The following FAM174A variants were observed in gnomAD, a reference collection of about 807,000 sequenced individuals.
FAM174A encodes membrane protein FAM174A.
In FAM174A, 14 loss-of-function variants were observed where a neutral mutation model predicts 14.3. That is an observed-to-expected ratio of 0.98 (90% confidence interval 0.65 to 1.53). The LOEUF (loss-of-function observed/expected upper bound fraction) is 1.53. Ranked by LOEUF, FAM174A falls within the 40% of genes most tolerant of loss-of-function variation. The pLI, the probability that FAM174A is intolerant of heterozygous loss-of-function variation, is 0.00. For missense variants in FAM174A, 241 were observed against 249.6 expected (o/e 0.97, Z 0.23); for synonymous variants, 108 against 111.4 (o/e 0.97, Z 0.19).
intron 2 of FAM174A, among the ~76,000 whole-genome samples, chr5:100,565,283 A>G (rs888384463): frequency 2.6e-5 from 4 of 151,916 alleles, no homozygotes; most frequent in Admixed American, 2.0e-4. Context: ...TAGACACAGA[A>G]AAAGCATTTG....
At chr5:100,556,984 A>G (rs1746402443) in intron 1 of FAM174A, among the ~76,000 whole-genome samples, 2 of 152,150 alleles carry the variant, frequency 1.3e-5, no homozygotes, top group Admixed American at 6.5e-5. Flanking sequence ...ACTATGTTGA[A>G]TAGGAGTGGT....
chr5:100,573,898 A>G lies in FAM174A; in HGVS notation c.569+11710A>G, dbSNP rs1329650641. Among the ~76,000 whole-genome samples the G allele has an allele frequency of 4.6e-5, 7 of 152,144 alleles. 1 individual carries two copies. The highest frequency in any genetic ancestry group is 1.4e-4 in the African/African-American group (6 of 41,482). ...CAGAGATATAGATCAATGGAACAGA[A>G]CAGAGCCCTCAGAAATAACACCGCA... is the stretch of plus-strand genomic sequence containing the variant. On this transcript the variant is annotated intron_variant, in intron 2 of 2. Coordinates refer to ENST00000312637, the MANE Select transcript of FAM174A (RefSeq NM_198507.3).
intron 1 of FAM174A, among the ~76,000 whole-genome samples, chr5:100,544,562 G>A (rs1746129040): frequency 6.6e-6 from 1 of 152,156 alleles, no homozygotes; most frequent in South Asian, 2.1e-4. Flanking sequence ...AAAAATGTGA[G>A]GTAGCTGTGT....
intron 1 of FAM174A, among the ~76,000 whole-genome samples, chr5:100,549,012 CTCTCTG>C (rs1255495790): frequency 6.6e-6 from 1 of 151,988 alleles, no homozygotes; most frequent in Non-Finnish European, 1.5e-5. Flanking sequence ...ACTTAAATCT[CTCTCTG>C]TATTTATATA....
intron 2 of FAM174A, among the ~76,000 whole-genome samples, chr5:100,565,712 T>A (rs1343459869): frequency 6.6e-6 from 1 of 151,900 alleles, no homozygotes; most frequent in Non-Finnish European, 1.5e-5. Flanking sequence ...TTATTCATAT[T>A]AATCAAGCTG....
rs1745916145 is a variant in FAM174A, at chr5:100,535,386, T to C, written c.-145T>C. ...CGGTTCTCCGGGCAGCTGCCACTGC[T>C]GTAGCTTCTGCCACCTGCCACGACC... On this transcript the variant is annotated 5_prime_UTR_variant, in exon 1 of 3. Coordinates refer to ENST00000312637, the MANE Select transcript of FAM174A (RefSeq NM_198507.3). The C allele has an allele frequency of 6.0e-6, 5 of 833,768 alleles. No individual in the cohort carries two copies. In the Admixed American group the frequency reaches 9.4e-5, roughly 16 times the overall value. 51.6% of individuals were successfully genotyped at this position (833,768 alleles called of 1,614,324 possible).
intron 1 of FAM174A, among the ~76,000 whole-genome samples, chr5:100,536,943 T>A (rs1745953284): frequency 6.6e-6 from 1 of 152,230 alleles, no homozygotes; most frequent in Non-Finnish European, 1.5e-5. Flanking sequence ...GGAGTTTCAC[T>A]TAGACCTCTT....
intron 2 of FAM174A, among the ~76,000 whole-genome samples, chr5:100,576,927 C>T (rs1298713541): frequency 6.6e-6 from 1 of 152,088 alleles, no homozygotes; most frequent in Non-Finnish European, 1.5e-5. Flanking sequence ...GAAAGAAAAA[C>T]TGATGAGGAG....
intron 1 of FAM174A, among the ~76,000 whole-genome samples, chr5:100,552,541 G>A (rs1168337752): frequency 6.6e-6 from 1 of 151,860 alleles, no homozygotes; most frequent in Non-Finnish European, 1.5e-5. Context: ...CTTAAATCAG[G>A]TGCATATATC....
chr5:100,577,402 T>TA (rs1746924251), intron 2 of FAM174A, among the ~76,000 whole-genome samples: 1 of 152,144 alleles, frequency 6.6e-6, no homozygotes, highest in African/African-American at 2.4e-5. Context: ...CTACTGCTGT[T>TA]ATGCTTCATT....
chr5:100,553,069 T>C (rs1746296163), intron 1 of FAM174A, among the ~76,000 whole-genome samples: 2 of 151,966 alleles, frequency 1.3e-5, no homozygotes, highest in South Asian at 4.2e-4. Context: ...TATATCTACA[T>C]GTGTGTGTAT....
intron 1 of FAM174A, among the ~76,000 whole-genome samples, chr5:100,537,170 T>C (rs1745957245): frequency 6.6e-6 from 1 of 152,216 alleles, no homozygotes; most frequent in African/African-American, 2.4e-5. Context: ...AGTTTATATC[T>C]GTGCGAAGAT....
intron 2 of FAM174A, among the ~76,000 whole-genome samples, chr5:100,566,672 T>C (rs1746659216): frequency 1.3e-5 from 2 of 151,870 alleles, no homozygotes; most frequent in Non-Finnish European, 1.5e-5. Flanking sequence ...TTTCACGTAG[T>C]ATATGCACAT....
intron 1 of FAM174A, among the ~76,000 whole-genome samples, chr5:100,552,045 T>C (rs1746272731): frequency 6.6e-6 from 1 of 152,176 alleles, no homozygotes; most frequent in Non-Finnish European, 1.5e-5. Flanking sequence ...CTTATTAGTA[T>C]CTGATTCTTG....
intron 1 of FAM174A, among the ~76,000 whole-genome samples, chr5:100,538,657 A>G (rs528247761): frequency 4.5e-4 from 68 of 152,222 alleles, no homozygotes; most frequent in African/African-American, 1.5e-3. Flanking sequence ...CATCATGTGC[A>G]ATATATGATG....
rs1747129718 is a variant in FAM174A, at chr5:100,586,567, C to G, written c.*383C>G. 1 of 154,306 alleles carries G rather than the reference C, an allele frequency of 6.5e-6. No individual in the cohort carries two copies. Among genetic ancestry groups the G allele is most frequent in the Non-Finnish European group, 1.4e-5 (1 of 69,550 alleles). The allele number at this position is 154,306 out of a possible 1,614,324, so 9.6% of individuals were successfully genotyped here. On this transcript the variant is annotated 3_prime_UTR_variant, in exon 3 of 3. Coordinates refer to ENST00000312637, the MANE Select transcript of FAM174A (RefSeq NM_198507.3). ...TCATATGTTAAAGAGCTATAAATTC[C>G]AACAACCAACTGGTGTGTAAAAATA...
intron 1 of FAM174A, among the ~76,000 whole-genome samples, chr5:100,547,105 A>C (rs1430839376): frequency 6.6e-6 from 1 of 152,122 alleles, no homozygotes; most frequent in African/African-American, 2.4e-5. Context: ...CATCCATCAC[A>C]ATCTAGCCTA....
intron 2 of FAM174A, among the ~76,000 whole-genome samples, chr5:100,569,874 G>A (rs770505446): frequency 6.6e-5 from 10 of 151,590 alleles, no homozygotes; most frequent in Non-Finnish European, 1.2e-4. Context: ...CAGAATGAAG[G>A]AGTCTTAGAT....
At chr5:100,564,804 A>C (rs1746604709) in intron 2 of FAM174A, among the ~76,000 whole-genome samples, 1 of 151,922 alleles carries the variant, frequency 6.6e-6, no homozygotes, top group Non-Finnish European at 1.5e-5. Flanking sequence ...AGAAACATAC[A>C]ATCTATGAAA....
Sources: gnomAD v4.1 joint callset for allele counts (sites outside exome capture counted in the v4.1 genomes callset) on GRCh38, gnomAD v4.1.1 for gene constraint, MANE v1.5 for transcripts, NCBI Gene and HGNC (gene_info 2026-07-23, HGNC 2026-07-21) for gene names.